Variants in DAB1 observed in about 807,000 individuals in gnomAD.
The protein encoded by DAB1 is DAB adaptor protein 1.
A neutral mutation model predicts 64.6 loss-of-function variants in DAB1; 15 were observed. The observed-to-expected ratio is 0.23, with a 90% CI of 0.16 to 0.36. DAB1 has a LOEUF of 0.36. Ranked by LOEUF, DAB1 falls within the 10% of genes least tolerant of loss-of-function variation. DAB1 has a pLI of 1.00. For missense variants in DAB1, 596 were observed against 706.7 expected (o/e 0.84, Z 1.78); for synonymous variants, 235 against 251.9 (o/e 0.93, Z 0.64).
chr1:57,679,635 G>A (rs1424197812), intron 6 of DAB1, among the ~76,000 whole-genome samples: 1 of 152,164 alleles, frequency 6.6e-6, no homozygotes, highest in African/African-American at 2.4e-5. Flanking sequence ...CCATGAATTA[G>A]GTTCAACACA....
chr1:58,166,166 G>C (rs189024997), intron 4 of DAB1, among the ~76,000 whole-genome samples: 1 of 152,100 alleles, frequency 6.6e-6, no homozygotes, highest in African/African-American at 2.4e-5. Context: ...GCTCTATTGA[G>C]ATATAATCTA....
intron 2 of DAB1, among the ~76,000 whole-genome samples, chr1:57,178,190 T>A (rs1255143889): frequency 6.6e-6 from 1 of 151,832 alleles, no homozygotes; most frequent in Non-Finnish European, 1.5e-5. Context: ...TGGTAATATA[T>A]AATAAAGCTG....
At chr1:58,335,946 T>G (rs140155275) in intron 4 of DAB1, among the ~76,000 whole-genome samples, 36 of 152,000 alleles carry the variant, frequency 2.4e-4, no homozygotes, top group South Asian at 6.2e-4. Context: ...ACGTGGAAAA[T>G]AGGCAGATGG....
At chr1:57,489,642 G>A (rs147212859) in intron 7 of DAB1, among the ~76,000 whole-genome samples, 1 of 151,406 alleles carries the variant, frequency 6.6e-6, no homozygotes, top group East Asian at 1.9e-4. Context: ...GTCTAACCCA[G>A]GGCCTATCTT....
At chr1:58,521,328 G>A (rs1215523299) in intron 2 of DAB1, among the ~76,000 whole-genome samples, 9 of 146,222 alleles carry the variant, frequency 6.2e-5, no homozygotes, top group South Asian at 4.3e-4. Context: ...GTATGTACTA[G>A]AAAAAAAAAA....
At chr1:57,373,824 C>T (rs996672748) in intron 1 of DAB1, among the ~76,000 whole-genome samples, 3 of 152,120 alleles carry the variant, frequency 2.0e-5, no homozygotes, top group African/African-American at 7.2e-5. Flanking sequence ...AATTTGAGTT[C>T]ATCTTTTCCC....
intron 5 of DAB1, among the ~76,000 whole-genome samples, chr1:58,045,267 C>A (rs143739675): frequency 6.6e-6 from 1 of 152,174 alleles, no homozygotes; most frequent in Admixed American, 6.5e-5. Flanking sequence ...CCCACTCCGA[C>A]GGGTCTGCTG....
chr1:57,511,143 C>A (rs1269253472), intron 7 of DAB1, among the ~76,000 whole-genome samples: 1 of 152,150 alleles, frequency 6.6e-6, no homozygotes, highest in Non-Finnish European at 1.5e-5. Flanking sequence ...ACTCTAGACC[C>A]TCTAAAATCT....
At chr1:57,013,679 A>G (rs556258119) in intron 12 of DAB1, among the ~76,000 whole-genome samples, 6 of 152,126 alleles carry the variant, frequency 3.9e-5, no homozygotes, top group South Asian at 2.1e-4. Context: ...CACCTGTGAC[A>G]GTAATGAAAC....
intron 5 of DAB1, among the ~76,000 whole-genome samples, chr1:58,058,730 G>A (rs1402583217): frequency 6.6e-6 from 1 of 152,136 alleles, no homozygotes; most frequent in East Asian, 1.9e-4. Context: ...TCCTAACTTG[G>A]GCTTTCTGGC....
intron 2 of DAB1, among the ~76,000 whole-genome samples, chr1:57,214,219 A>G (rs116975305): frequency 6.6e-6 from 1 of 152,358 alleles, no homozygotes; most frequent in East Asian, 1.9e-4. Context: ...GCAGAAAGTG[A>G]AAAGTGGAAC....
At chr1:57,577,625 C>A (rs1482137582) in intron 7 of DAB1, among the ~76,000 whole-genome samples, 2 of 152,252 alleles carry the variant, frequency 1.3e-5, no homozygotes, top group African/African-American at 2.4e-5. Flanking sequence ...TGGCGAGAAC[C>A]AACTGAAGCC....
At chr1:57,706,131 G>A (rs1646964053) in intron 6 of DAB1, among the ~76,000 whole-genome samples, 1 of 151,970 alleles carries the variant, frequency 6.6e-6, no homozygotes, top group Non-Finnish European at 1.5e-5. Flanking sequence ...TGACACTGCT[G>A]AATCCTTTTT....
At chr1:57,186,567 A>G (rs1003038514) in intron 2 of DAB1, among the ~76,000 whole-genome samples, 2 of 152,240 alleles carry the variant, frequency 1.3e-5, no homozygotes, top group African/African-American at 4.8e-5. Flanking sequence ...TACCCAATCC[A>G]TAATTCAATA....
intron 14 of DAB1, among the ~76,000 whole-genome samples, chr1:57,001,313 T>C (rs971649560): frequency 6.6e-6 from 1 of 152,188 alleles, no homozygotes; most frequent in Non-Finnish European, 1.5e-5. Flanking sequence ...TTTGTTTTCT[T>C]TTGGCAGATT....
At chr1:58,489,545 A>C (rs1419874555) in intron 3 of DAB1, among the ~76,000 whole-genome samples, 2 of 152,216 alleles carry the variant, frequency 1.3e-5, no homozygotes, top group East Asian at 3.9e-4. Context: ...AAGGCAGCAG[A>C]AACCTCTGCA....
chr1:57,058,742 G>C (rs1324229763), intron 9 of DAB1, among the ~76,000 whole-genome samples: 1 of 152,160 alleles, frequency 6.6e-6, no homozygotes, highest in African/African-American at 2.4e-5. Context: ...AGAGCAAAGG[G>C]CTCACTCAAG....
chr1:58,235,707 G>C (rs1214846087), intron 4 of DAB1, among the ~76,000 whole-genome samples: 6 of 152,184 alleles, frequency 3.9e-5, no homozygotes, highest in African/African-American at 1.4e-4. Flanking sequence ...ATCTGGCACA[G>C]ATATAACAAC....
chr1:58,044,013 A>C (rs1403035171), intron 5 of DAB1, among the ~76,000 whole-genome samples: 1 of 152,222 alleles, frequency 6.6e-6, no homozygotes, highest in Non-Finnish European at 1.5e-5. Flanking sequence ...GATGTGAGCC[A>C]CTGTGCTCAC....
Sources: allele counts gnomAD v4.1 joint callset (sites outside exome capture counted in the v4.1 genomes callset), GRCh38; gene constraint gnomAD v4.1.1; transcripts MANE v1.5; gene names NCBI Gene and HGNC (gene_info 2026-07-23, HGNC 2026-07-21).